PCID2: variants seen among roughly 807,000 people sequenced by gnomAD.
PCID2 encodes the protein PCI domain containing 2, also known as PCI domain-containing protein 2.
A neutral mutation model predicts 61.3 loss-of-function variants in PCID2; 41 were observed. The ratio of observed to expected loss-of-function variants is 0.67; its 90% CI spans 0.52 to 0.87. The LOEUF (loss-of-function observed/expected upper bound fraction) is 0.87, where lower values mean the gene tolerates loss of function less well. PCID2 is among the 40% of genes least tolerant of loss of function. The pLI, the probability that PCID2 is intolerant of heterozygous loss-of-function variation, is 0.00. For synonymous variants in PCID2, 187 were observed against 177.8 expected, an observed-to-expected ratio of 1.05 and a Z score of -0.41; for missense variants, 392 against 493.4, an observed-to-expected ratio of 0.79 and a Z score of 1.95.
At chr13:113,184,875 C>T (rs1407198090) in intron 8 of PCID2, among the ~76,000 whole-genome samples, 6 of 151,976 alleles carry the variant, frequency 3.9e-5, no homozygotes, top group Non-Finnish European at 8.8e-5. Flanking sequence ...TCTGCGAAGC[C>T]GTTTCAGGGG....
rs1399678759 is a variant in PCID2, at chr13:113,180,025, A to G, written c.878T>C (p.Leu293Pro). Residue 293 changes from leucine to proline, a missense_variant, in exon 12 of 14, where the codon CTG becomes CCG. By Grantham distance (98) the Leu-to-Pro change is moderately conservative. Transcript: ENST00000337344. ...TRAVSEGNLL[L>P]LHEALAKHEA... Reference sequence around the variant, plus strand: ...GTGCTTCGCCAGCGCCTCGTGCAGCAGCAGCAGGTTGCCCTCGCTGGTGAG... The same window carrying G: ...GTGCTTCGCCAGCGCCTCGTGCAGCGGCAGCAGGTTGCCCTCGCTGGTGAG... The G allele has an allele frequency of 4.3e-6, 7 of 1,614,030 alleles. No homozygotes were observed. Among genetic ancestry groups the G allele is most frequent in the Non-Finnish European group, 5.9e-6 (7 of 1,180,020 alleles).
chr13:113,190,354 T>C (rs2038510119), intron 7 of PCID2, among the ~76,000 whole-genome samples: 1 of 151,628 alleles, frequency 6.6e-6, no homozygotes, highest in African/African-American at 2.4e-5. Flanking sequence ...CAAGGACTCA[T>C]CAGAAGCAAA....
Position 113,178,172 on chromosome 13 carries a change from ACC to A in PCID2, c.*24_*25del. The stretch of plus-strand genomic sequence containing the variant: ...CCAAAGTGGAAAGAAACAACTGCTC[ACC>A]CGTCCTCGGGGCTCCGTGTACTTTC... On this transcript the variant is annotated 3_prime_UTR_variant, in exon 14 of 14. Transcript: ENST00000337344. 1 of 1,568,744 alleles carries A rather than the reference ACC, an allele frequency of 6.4e-7. No homozygotes were observed. Among genetic ancestry groups the A allele is most frequent in the Non-Finnish European group, 8.8e-7 (1 of 1,139,282 alleles).
chr13:113,206,845 G>A (rs2039885802), intron 1 of PCID2, among the ~76,000 whole-genome samples: 1 of 152,162 alleles, frequency 6.6e-6, no homozygotes, highest in African/African-American at 2.4e-5. Flanking sequence ...AGTCCATCCT[G>A]GGCCCAGCCC....
chr13:113,166,728 C>T, the PCID2 span, among the ~76,000 whole-genome samples: 1 of 152,208 alleles, frequency 6.6e-6, no homozygotes, highest in East Asian at 1.9e-4. Flanking sequence ...ACAGTTCTTC[C>T]TATCGCTGTC....
chr13:113,170,356 T>C, the PCID2 span: 12 of 1,079,690 alleles, frequency 1.1e-5, no homozygotes, highest in South Asian at 1.5e-4. Context: ...TAGACTTTAC[T>C]GCCCCTAATC....
rs765569022 is a variant in PCID2 at position 113,178,263 on chromosome 13, G to A, written c.1135C>T (p.His379Tyr). 1.2e-6 allele frequency: 2 copies of A among 1,613,680 alleles called. No individual in the cohort carries two copies. The highest frequency in any genetic ancestry group is 4.5e-5 in the East Asian group (2 of 44,822). The change falls in exon 14 of 14, where the codon CAT becomes TAT. Residue 379 changes from histidine to tyrosine, a missense_variant. Transcript: ENST00000337344. Reference sequence around the variant, plus strand: ...CTGACCACCAGCTTCTGATGCTGATGCGATATGTAGCCTTTGACGTGTCCC... The same window carrying A: ...CTGACCACCAGCTTCTGATGCTGATACGATATGTAGCCTTTGACGTGTCCC... The part of the protein sequence containing the change: ...YMGHVKGYIS[H>Y]QHQKLVVSKQ...
chr13:113,178,010 T>G lies in PCID2; in HGVS notation c.*188A>C. 1 of 470,172 alleles carries G rather than the reference T, an allele frequency of 2.1e-6. No individual in the cohort carries two copies. The highest frequency in any genetic ancestry group is 3.8e-6 in the Non-Finnish European group (1 of 260,680). 29.1% of individuals were successfully genotyped at this position (470,172 alleles called of 1,614,324 possible). A position where few individuals can be genotyped will look rare whatever the true frequency, so the allele number is the denominator to read the frequency against. On this transcript the variant is annotated 3_prime_UTR_variant, in exon 14 of 14. Coordinates refer to ENST00000337344, the MANE Select transcript of PCID2 (RefSeq NM_001127202.4). ...AAGGAATTCCAGGTTTTCATCAGGC[T>G]GAAATTAGTTACAAATGAAGGAGAT...
At chr13:113,198,423 T>C (rs1163063958) in intron 2 of PCID2, among the ~76,000 whole-genome samples, 159 bp from the exon 3 acceptor site, 1 of 152,230 alleles carries the variant, frequency 6.6e-6, no homozygotes, top group African/African-American at 2.4e-5. Context: ...GTTCAGGCCG[T>C]GAGCACAGTG....
the PCID2 span, chr13:113,165,171 CACTT>C: frequency 1.3e-6 from 2 of 1,535,166 alleles, no homozygotes; most frequent in Non-Finnish European, 1.8e-6. Flanking sequence ...ACTTTCACCT[CACTT>C]GTCATTTCCT....
At chr13:113,201,117 A>C (rs575645925) in intron 1 of PCID2, among the ~76,000 whole-genome samples, 1 of 152,326 alleles carries the variant, frequency 6.6e-6, no homozygotes, top group Non-Finnish European at 1.5e-5. Flanking sequence ...TATATCCAAA[A>C]TTCAAAAAGC....
At chr13:113,203,163 T>C (rs1352645557) in intron 1 of PCID2, among the ~76,000 whole-genome samples, 1 of 152,234 alleles carries the variant, frequency 6.6e-6, no homozygotes, top group Non-Finnish European at 1.5e-5. Flanking sequence ...GAGAGTCCCA[T>C]GGGATTTGGG....
chr13:113,173,752 G>T (rs545270906), downstream of PCID2, among the ~76,000 whole-genome samples: 38 of 152,268 alleles, frequency 2.5e-4, no homozygotes, highest in Non-Finnish European at 4.7e-4. Flanking sequence ...GTGAAGTTTG[G>T]TTGTATTATT....
At chr13:113,198,701 T>C (rs1010644524) in intron 2 of PCID2, among the ~76,000 whole-genome samples, 5 of 149,806 alleles carry the variant, frequency 3.3e-5, no homozygotes, top group Non-Finnish European at 5.9e-5. Context: ...GGAGACTCTG[T>C]CTCATAAATA....
At chr13:113,170,358 C>T in the PCID2 span, 1 of 1,092,562 alleles carries the variant, frequency 9.2e-7, no homozygotes, top group Non-Finnish European at 1.4e-6. Flanking sequence ...GACTTTACTG[C>T]CCCTAATCCT....
rs569358670 is a variant in PCID2 at position 113,204,825 on chromosome 13, CT to C, written c.36+3773del. ...TGGCGCCGCAGTGGACACAGGACCC[CT>C]AGCAGCCCAGCCACCTGGCCAACTC... On this transcript the variant is annotated intron_variant, in intron 1 of 13. Transcript: ENST00000337344. Among the ~76,000 whole-genome samples, 323 of 152,296 alleles carry C rather than the reference CT, an allele frequency of 2.1e-3. 1 individual carries two copies. The highest frequency in any genetic ancestry group is 7.4e-3 in the African/African-American group (306 of 41,558).
At position 113,198,312 on chromosome 13, in the gene PCID2, A is replaced by T. The variant is rs750901001; in HGVS notation, c.127-48T>A. ...GCAAAAGTAAAATTAATAGGCACAG[A>T]AAGAATGCAACATATAGAAAGAGAT... On this transcript the variant is annotated intron_variant, in intron 2 of 13. Transcript: ENST00000337344. 4 of 1,106,946 alleles carry T rather than the reference A, an allele frequency of 3.6e-6. No individual in the cohort carries two copies. The South Asian group carries it at 5.3e-5, about 15-fold the overall frequency. 68.6% of individuals were successfully genotyped at this position (1,106,946 alleles called of 1,614,324 possible).
chr13:113,185,229 G>C (rs1313929714), intron 8 of PCID2, among the ~76,000 whole-genome samples: 2 of 152,230 alleles, frequency 1.3e-5, no homozygotes, highest in African/African-American at 4.8e-5. Flanking sequence ...TCACACACAG[G>C]GGCCTTCGTT....
chr13:113,206,519 C>T (rs1484961953), intron 1 of PCID2, among the ~76,000 whole-genome samples: 1 of 152,146 alleles, frequency 6.6e-6, no homozygotes, highest in African/African-American at 2.4e-5. Context: ...AATGATTTCC[C>T]CCAACTTCCT....
Sources: allele counts gnomAD v4.1 joint callset (sites outside exome capture counted in the v4.1 genomes callset), GRCh38; gene constraint gnomAD v4.1.1; transcripts MANE v1.5; gene names NCBI Gene and HGNC (gene_info 2026-07-23, HGNC 2026-07-21).